Variants in CFAP58 observed in about 807,000 individuals in gnomAD.
CFAP58 encodes the protein cilia- and flagella-associated protein 58.
In CFAP58, 88 loss-of-function variants were observed where a neutral mutation model predicts 119.5. The observed-to-expected ratio is 0.74, with a 90% CI of 0.62 to 0.88. The LOEUF (loss-of-function observed/expected upper bound fraction) is 0.88. Among genes scored for constraint, CFAP58 ranks in the 40% least tolerant of loss-of-function variants. CFAP58 has a pLI of 0.00. For synonymous variants in CFAP58, 365 were observed against 366.3 expected (o/e 1.00, Z 0.04); for missense variants, 990 against 1,021.2 (o/e 0.97, Z 0.42).
chr10:104,345,370 T>G, the CFAP58 span, among the ~76,000 whole-genome samples: 2 of 152,106 alleles, frequency 1.3e-5, no homozygotes, highest in African/African-American at 2.4e-5. Flanking sequence ...TTACTACCTG[T>G]ACTTCTGTTT....
chr10:104,449,053 A>G (rs368178712), intron 16 of CFAP58, among the ~76,000 whole-genome samples: 1 of 152,092 alleles, frequency 6.6e-6, no homozygotes, highest in East Asian at 1.9e-4. Flanking sequence ...GGTGGTACTG[A>G]GCATGTCTGC....
intron 15 of CFAP58, among the ~76,000 whole-genome samples, chr10:104,428,258 T>C (rs1432989721): frequency 6.6e-6 from 1 of 151,996 alleles, no homozygotes; most frequent in South Asian, 2.1e-4. Flanking sequence ...CACAGGGAAG[T>C]CGCTCACCGG....
intron 11 of CFAP58, among the ~76,000 whole-genome samples, chr10:104,397,865 G>T (rs1168826841): frequency 6.6e-6 from 1 of 152,136 alleles, no homozygotes; most frequent in East Asian, 1.9e-4. Flanking sequence ...ATGTAACTTT[G>T]GTTCCCCCAC....
Position 104,429,491 on chromosome 10 carries a change from G to A in CFAP58, c.2257-18207G>A, listed in dbSNP as rs150728136. Among the ~76,000 whole-genome samples the A allele has an allele frequency of 3.6e-3, 550 of 152,230 alleles. 7 individuals carry two copies. Among genetic ancestry groups the A allele is most frequent in the Admixed American group, 0.031 (472 of 15,290 alleles). On this transcript the variant is annotated intron_variant, in intron 15 of 17. Transcript: ENST00000369704. ...AAAAAAGCATGCCAGTGTCTACTGT[G>A]GCATATCAGCTCCTGTCCCCCAAAT...
intron 17 of CFAP58, 105 bp from the exon 18 acceptor site, chr10:104,454,317 G>A (rs753758303): frequency 1.7e-5 from 15 of 857,294 alleles, no homozygotes; most frequent in Non-Finnish European, 2.9e-5. Flanking sequence ...ACTAGAAGCT[G>A]TAATCAAAGT....
At chr10:104,380,598 T>C (rs1018968076) in intron 9 of CFAP58, among the ~76,000 whole-genome samples, 2 of 152,092 alleles carry the variant, frequency 1.3e-5, no homozygotes, top group African/African-American at 4.8e-5. Context: ...TTTTGTCCCC[T>C]CAGGGAAAGG....
chr10:104,363,098 A>C (rs2014694088), intron 3 of CFAP58, among the ~76,000 whole-genome samples: 3 of 152,184 alleles, frequency 2.0e-5, no homozygotes. Context: ...TCCTCTCCAC[A>C]TCCAGACTCC....
chr10:104,344,432 G>A, the CFAP58 span, among the ~76,000 whole-genome samples: 1 of 152,034 alleles, frequency 6.6e-6, no homozygotes, highest in Non-Finnish European at 1.5e-5. Flanking sequence ...CAATTATATT[G>A]GCTCAGCCAT....
intron 9 of CFAP58, among the ~76,000 whole-genome samples, chr10:104,390,328 A>G (rs1184469144): frequency 6.6e-6 from 1 of 152,212 alleles, no homozygotes; most frequent in East Asian, 1.9e-4. Context: ...TGATTTCTAC[A>G]AGGTATTATT....
At chr10:104,390,432 A>C (rs575488466) in intron 9 of CFAP58, among the ~76,000 whole-genome samples, 1 of 152,344 alleles carries the variant, frequency 6.6e-6, no homozygotes, top group South Asian at 2.1e-4. Flanking sequence ...CAGAAAACAA[A>C]CAAATCTGTG....
intron 9 of CFAP58, among the ~76,000 whole-genome samples, chr10:104,388,976 A>C (rs1356792758): frequency 6.6e-6 from 1 of 152,118 alleles, no homozygotes; most frequent in African/African-American, 2.4e-5. Flanking sequence ...TTATCTCATG[A>C]GTTGGTTTGA....
intron 15 of CFAP58, among the ~76,000 whole-genome samples, chr10:104,442,071 G>A (rs951625135): frequency 6.6e-6 from 1 of 152,130 alleles, no homozygotes; most frequent in Non-Finnish European, 1.5e-5. Context: ...TATACAGAGG[G>A]AAGTAATTTT....
intron 17 of CFAP58, among the ~76,000 whole-genome samples, 198 bp downstream of exon 17, chr10:104,450,402 A>T (rs2013175596): frequency 6.6e-6 from 1 of 152,206 alleles, no homozygotes; most frequent in Non-Finnish European, 1.5e-5. Context: ...CCTCCTTGGG[A>T]TTCTAACAGG....
intron 15 of CFAP58, among the ~76,000 whole-genome samples, chr10:104,430,043 A>G (rs926700184): frequency 1.3e-5 from 2 of 152,204 alleles, no homozygotes; most frequent in Non-Finnish European, 2.9e-5. Flanking sequence ...TGGGCAGCAC[A>G]TGAAAGGAGC....
chr10:104,389,258 T>C (rs2011986024), intron 9 of CFAP58, among the ~76,000 whole-genome samples: 1 of 152,194 alleles, frequency 6.6e-6, no homozygotes, highest in Non-Finnish European at 1.5e-5. Context: ...CCTTTTATCT[T>C]CTTGGTGTCC....
At chr10:104,351,617 C>CT (rs2014460364), upstream of CFAP58, 2 of 152,126 alleles carry the variant, frequency 1.3e-5, no homozygotes, top group African/African-American at 4.8e-5. Flanking sequence ...TTGCTCACCC[C>CT]ATGGAGAAAA....
the CFAP58 span, chr10:104,338,539 A>G: frequency 6.6e-6 from 1 of 152,350 alleles, no homozygotes; most frequent in Non-Finnish European, 1.5e-5. Context: ...GAAGCTCCTT[A>G]AGGAGGACCG....
chr10:104,425,488 G>A (rs989752704), intron 15 of CFAP58, among the ~76,000 whole-genome samples: 5 of 152,168 alleles, frequency 3.3e-5, no homozygotes, highest in South Asian at 4.1e-4. Flanking sequence ...GACAATGACC[G>A]TAACTCCCAT....
intron 15 of CFAP58, among the ~76,000 whole-genome samples, chr10:104,434,351 T>C (rs899919561): frequency 6.6e-6 from 1 of 152,154 alleles, no homozygotes; most frequent in Non-Finnish European, 1.5e-5. Context: ...CTCAGTGGCA[T>C]GTTGTTGAGA....
Sources: allele counts gnomAD v4.1 joint callset (sites outside exome capture counted in the v4.1 genomes callset), GRCh38; gene constraint gnomAD v4.1.1; transcripts MANE v1.5; gene names NCBI Gene and HGNC (gene_info 2026-07-23, HGNC 2026-07-21).